PSAP: variants seen among roughly 807,000 people sequenced by gnomAD.
PSAP encodes the protein prosaposin.
PSAP carries 25 observed loss-of-function variants against 66.0 expected under a neutral mutation model. That is an observed-to-expected ratio of 0.38 (90% CI 0.28 to 0.53). PSAP has a LOEUF of 0.53. Ranked by LOEUF, PSAP falls within the 20% of genes least tolerant of loss-of-function variation. The pLI is 0.83. For synonymous variants in PSAP, 273 were observed against 258.9 expected (o/e 1.05, Z -0.52); for missense variants, 649 against 668.8 (o/e 0.97, Z 0.33).
intron 7 of PSAP, chr10:71,823,870 A>G (rs1842350590): frequency 7.7e-7 from 1 of 1,295,834 alleles, no homozygotes; most frequent in Non-Finnish European, 1.0e-6. Context: ...TACTGCAAGC[A>G]GATTCCCCGA....
At chr10:71,826,547 A>C (rs1842401665) in intron 6 of PSAP, among the ~76,000 whole-genome samples, 1 of 152,182 alleles carries the variant, frequency 6.6e-6, no homozygotes, top group South Asian at 2.1e-4. Flanking sequence ...AAAATGAATG[A>C]ATGTTCACCT....
intron 4 of PSAP, among the ~76,000 whole-genome samples, chr10:71,829,676 T>C (rs1030872523): frequency 2.6e-5 from 4 of 152,120 alleles, no homozygotes; most frequent in African/African-American, 9.7e-5. Context: ...GCTTCCTAAA[T>C]GTTACCTCTT....
At chr10:71,818,879 C>G (rs1015704153) in intron 12 of PSAP, 152 bp downstream of exon 12, 6 of 1,001,276 alleles carry the variant, frequency 6.0e-6, no homozygotes, top group African/African-American at 1.6e-5. Flanking sequence ...AGCGATGGGG[C>G]TTGGGGGGCT....
chr10:71,851,022 A>C (rs1479170728), intron 1 of PSAP, among the ~76,000 whole-genome samples, 160 bp downstream of exon 1: 3 of 152,232 alleles, frequency 2.0e-5, no homozygotes, highest in African/African-American at 7.2e-5. Flanking sequence ...AGCCGCCCAG[A>C]GAAAGCCAGA....
intron 7 of PSAP, 74 bp from the exon 8 acceptor site, chr10:71,822,081 G>A: frequency 6.2e-7 from 1 of 1,607,996 alleles, no homozygotes; most frequent in Non-Finnish European, 8.5e-7. Flanking sequence ...CCAGCCAGAG[G>A]ACAGGGAGCT....
intron 1 of PSAP, among the ~76,000 whole-genome samples, chr10:71,844,246 CTGCTCTTAGACATA>C (rs1379266112): frequency 1.3e-5 from 2 of 152,240 alleles, no homozygotes; most frequent in Non-Finnish European, 2.9e-5. Context: ...CTCAGCAATT[CTGCTCTTAGACATA>C]TGCCCTAGAT....
chr10:71,834,577 G>T, intron 1 of PSAP, 72 bp from the exon 2 acceptor site: 2 of 1,573,966 alleles, frequency 1.3e-6, no homozygotes, highest in Non-Finnish European at 1.7e-6. Context: ...TATTTCCCCA[G>T]GGCTGAGGGC....
Position 71,837,964 on chromosome 10 carries a change from C to T in PSAP, c.41-3459G>A, listed in dbSNP as rs186506029. Among the ~76,000 whole-genome samples, 3 of 152,296 alleles carry T rather than the reference C, an allele frequency of 2.0e-5. No homozygotes were observed. The East Asian group carries it at 5.8e-4, about 29-fold the overall frequency. On this transcript the variant is annotated intron_variant, in intron 1 of 13. Coordinates refer to ENST00000394936, the MANE Select transcript of PSAP (RefSeq NM_002778.4). ...TCAGGTGCTTGGGGGAATGGTCTCA[C>T]CTGCCCCACACACCCTAAGGTGAGG...
At chr10:71,834,900 T>A (rs565446260) in intron 1 of PSAP, among the ~76,000 whole-genome samples, 1 of 152,278 alleles carries the variant, frequency 6.6e-6, no homozygotes, top group East Asian at 1.9e-4. Flanking sequence ...GATTTTGACT[T>A]CTGTAAAATG....
intron 7 of PSAP, among the ~76,000 whole-genome samples, chr10:71,824,648 A>C (rs1427467208): frequency 1.3e-5 from 2 of 152,254 alleles, no homozygotes; most frequent in Non-Finnish European, 2.9e-5. Context: ...TTTGTACAAG[A>C]ATATTCAATG....
At position 71,851,187 on chromosome 10, in the gene PSAP, CCCAGGAGGCTGG is replaced by C; in HGVS notation, c.23_34del (p.Ala8_Leu11del). 6.4e-7 allele frequency: 1 copy of C among 1,551,086 alleles called. No homozygotes were observed. Among genetic ancestry groups the C allele is most frequent in the Non-Finnish European group, 8.7e-7 (1 of 1,146,830 alleles). On this transcript the variant is annotated inframe_deletion, in exon 1 of 14. Coordinates refer to ENST00000394936, the MANE Select transcript of PSAP (RefSeq NM_002778.4). ...ATGAGGGTCCCAGGGCTTACCCGCG[CCCAGGAGGCTGG>C]CCAGGAGGAAGAGGGCGTACATAGC...
chr10:71,820,951 G>A (rs922914045), intron 8 of PSAP, among the ~76,000 whole-genome samples: 6 of 152,210 alleles, frequency 3.9e-5, no homozygotes, highest in African/African-American at 1.2e-4. Flanking sequence ...TGTAGCCAAG[G>A]GGCTGAATTT....
chr10:71,821,445 A>G (rs1421514476), intron 8 of PSAP, among the ~76,000 whole-genome samples: 1 of 152,148 alleles, frequency 6.6e-6, no homozygotes, highest in Admixed American at 6.5e-5. Flanking sequence ...TAAAATAGAC[A>G]CCCACATGTA....
intron 13 of PSAP, among the ~76,000 whole-genome samples, chr10:71,817,767 C>T (rs1484368155): frequency 1.3e-5 from 2 of 152,206 alleles, no homozygotes; most frequent in South Asian, 2.1e-4. Context: ...TACCTGCACC[C>T]GGCACCCAGC....
chr10:71,836,796 T>C (rs1435846361), intron 1 of PSAP, among the ~76,000 whole-genome samples: 6 of 152,220 alleles, frequency 3.9e-5, no homozygotes, highest in Non-Finnish European at 7.3e-5. Context: ...CTAGAGTGTT[T>C]CCGGAACACA....
At chr10:71,819,964 G>A (rs1268512712) in intron 9 of PSAP, 64 bp from the exon 10 acceptor site, 3 of 1,388,426 alleles carry the variant, frequency 2.2e-6, no homozygotes, top group Admixed American at 3.6e-5. Context: ...GGGACATTCT[G>A]AAAATACTAA....
At chr10:71,820,031 A>C (rs1842266484) in intron 9 of PSAP, 131 bp from the exon 10 acceptor site, 5 of 953,822 alleles carry the variant, frequency 5.2e-6, no homozygotes, top group Admixed American at 4.0e-5. Flanking sequence ...AAAACTACCA[A>C]ACTACAAAGC....
chr10:71,849,600 G>C (rs1016877435), intron 1 of PSAP, among the ~76,000 whole-genome samples: 2 of 151,324 alleles, frequency 1.3e-5, no homozygotes, highest in African/African-American at 2.4e-5. Context: ...GCGAAACTCC[G>C]TCTCAAAAAA....
rs532439546 is a variant in PSAP at position 71,839,810 on chromosome 10, C to T, written c.41-5305G>A. On this transcript the variant is annotated intron_variant, in intron 1 of 13. Coordinates refer to ENST00000394936, the MANE Select transcript of PSAP (RefSeq NM_002778.4). Reference sequence around the variant, plus strand: ...CAGAGGTTGTAGTAAGCCGAGATCACGCCACTGCACTCCTGCCTGGGCGAC... The same window carrying T: ...CAGAGGTTGTAGTAAGCCGAGATCATGCCACTGCACTCCTGCCTGGGCGAC... Among the ~76,000 whole-genome samples the T allele has an allele frequency of 4.6e-5, 7 of 152,202 alleles. No homozygotes were observed. In the South Asian group the frequency reaches 8.3e-4, roughly 18 times the overall value.
Sources: allele counts gnomAD v4.1 joint callset (sites outside exome capture counted in the v4.1 genomes callset), GRCh38; gene constraint gnomAD v4.1.1; transcripts MANE v1.5; gene names NCBI Gene and HGNC (gene_info 2026-07-23, HGNC 2026-07-21).